IGFL2: variants seen among roughly 807,000 people sequenced by gnomAD.
The protein encoded by IGFL2 is IGF like family member 2.
IGFL2 carries 7 observed loss-of-function variants against 13.9 expected under a neutral mutation model. That is an observed-to-expected ratio of 0.51 (90% CI 0.29 to 0.95). The LOEUF is 0.95. IGFL2 is among the 40% of genes least tolerant of loss of function. IGFL2 has a pLI of 0.08. For synonymous variants in IGFL2, 55 were observed against 55.8 expected (o/e 0.99, Z 0.07); for missense variants, 138 against 147.8 (o/e 0.93, Z 0.34).
the IGFL2 span, chr19:46,136,973 G>A: frequency 6.8e-7 from 1 of 1,477,936 alleles, no homozygotes; most frequent in South Asian, 1.1e-5. Flanking sequence ...GTATATCTGT[G>A]TTTTGTCCCA....
At chr19:46,087,889 C>T in the IGFL2 span, among the ~76,000 whole-genome samples, 2 of 152,164 alleles carry the variant, frequency 1.3e-5, no homozygotes, top group Admixed American at 6.5e-5. Flanking sequence ...AGGTGGAGCT[C>T]ATACAATGGT....
the IGFL2 span, among the ~76,000 whole-genome samples, chr19:46,085,379 A>G: frequency 6.6e-6 from 1 of 152,182 alleles, no homozygotes; most frequent in Admixed American, 6.5e-5. Context: ...ACCCTCTATC[A>G]TTATGTAATG....
chr19:46,178,786 A>C, the IGFL2 span, among the ~76,000 whole-genome samples: 1 of 152,078 alleles, frequency 6.6e-6, no homozygotes, highest in African/African-American at 2.4e-5. Context: ...TTCAGGCTGA[A>C]CCAATGTATA....
the IGFL2 span, among the ~76,000 whole-genome samples, chr19:46,091,105 C>T: frequency 6.6e-6 from 1 of 152,174 alleles, no homozygotes; most frequent in Non-Finnish European, 1.5e-5. Context: ...GTTTCCTTAG[C>T]TCTTTTGAAG....
chr19:46,104,400 C>T, the IGFL2 span, among the ~76,000 whole-genome samples: 6 of 152,116 alleles, frequency 3.9e-5, no homozygotes, highest in Non-Finnish European at 5.9e-5. Flanking sequence ...GGGTATGAAG[C>T]TTCCACTGAA....
the IGFL2 span, among the ~76,000 whole-genome samples, chr19:46,186,383 A>G: frequency 1.3e-5 from 2 of 152,206 alleles, no homozygotes; most frequent in Non-Finnish European, 2.9e-5. Flanking sequence ...GATATTACCC[A>G]GCTGCGGTGT....
chr19:46,092,299 A>G, the IGFL2 span, among the ~76,000 whole-genome samples: 1 of 152,076 alleles, frequency 6.6e-6, no homozygotes, highest in Non-Finnish European at 1.5e-5. Flanking sequence ...ATCTGGGACT[A>G]CAGGCACACA....
chr19:46,164,895 C>T (rs1974325805), downstream of IGFL2, among the ~76,000 whole-genome samples: 2 of 152,194 alleles, frequency 1.3e-5, no homozygotes, highest in South Asian at 4.1e-4. Flanking sequence ...CCAGGCTTAT[C>T]AAATACTTGA....
the IGFL2 span, among the ~76,000 whole-genome samples, chr19:46,175,843 A>ATT: frequency 8.3e-6 from 1 of 119,972 alleles, no homozygotes; most frequent in African/African-American, 3.1e-5. Context: ...GCCTGGCACT[A>ATT]TTTTTTTTTT....
chr19:46,201,637 G>T, the IGFL2 span, among the ~76,000 whole-genome samples: 3 of 152,246 alleles, frequency 2.0e-5, no homozygotes, highest in African/African-American at 7.2e-5. Flanking sequence ...TCTGCAGCAC[G>T]TCGGGGTAAG....
chr19:46,124,427 T>C, the IGFL2 span: 1 of 1,314,042 alleles, frequency 7.6e-7, no homozygotes, highest in Non-Finnish European at 1.1e-6. Flanking sequence ...AAGGTGGAGA[T>C]TATCACTTGG....
chr19:46,147,902 G>C (rs1973226197), upstream of IGFL2: 1 of 208,614 alleles, frequency 4.8e-6, no homozygotes, highest in Non-Finnish European at 9.5e-6. Flanking sequence ...ATCACCAGCT[G>C]TGATGTTTGG....
At chr19:46,212,566 G>A in the IGFL2 span, 1 of 152,034 alleles carries the variant, frequency 6.6e-6, no homozygotes, top group African/African-American at 2.4e-5. Flanking sequence ...TCACACACCC[G>A]ACCCTCTGAA....
At chr19:46,097,802 T>C in the IGFL2 span, among the ~76,000 whole-genome samples, 333 of 152,344 alleles carry the variant, frequency 2.2e-3, 1 homozygote, top group South Asian at 5.2e-3. Context: ...TGAATTTTCA[T>C]GTAGTTATGT....
At chr19:46,190,810 C>T in the IGFL2 span, among the ~76,000 whole-genome samples, 1 of 152,176 alleles carries the variant, frequency 6.6e-6, no homozygotes, top group South Asian at 2.1e-4. Context: ...TCTGCAAAAT[C>T]ACGGACCTGG....
At chr19:46,215,253 C>T in the IGFL2 span, among the ~76,000 whole-genome samples, 8,170 of 152,110 alleles carry the variant, frequency 0.054, 371 homozygotes, top group East Asian at 0.12. Context: ...CTAACTATAG[C>T]TATGAAAATA....
At chr19:46,113,371 T>G in the IGFL2 span, 44 of 353,820 alleles carry the variant, frequency 1.2e-4, no homozygotes, top group African/African-American at 8.6e-4. Context: ...TCCAAAGCAC[T>G]AATAAAAACA....
At chr19:46,186,403 C>T in the IGFL2 span, among the ~76,000 whole-genome samples, 1 of 152,164 alleles carries the variant, frequency 6.6e-6, no homozygotes, top group Admixed American at 6.5e-5. Flanking sequence ...TCCACAGAAG[C>T]GTTCCAGGAC....
the IGFL2 span, among the ~76,000 whole-genome samples, chr19:46,187,000 G>A: frequency 6.6e-6 from 1 of 152,220 alleles, no homozygotes; most frequent in Non-Finnish European, 1.5e-5. Flanking sequence ...ATTTCACAGT[G>A]GGGAGACATT....
Sources: allele counts gnomAD v4.1 joint callset (sites outside exome capture counted in the v4.1 genomes callset), GRCh38; gene constraint gnomAD v4.1.1; transcripts MANE v1.5; gene names NCBI Gene and HGNC (gene_info 2026-07-23, HGNC 2026-07-21).